Variants in COL5A3 observed in about 807,000 individuals in gnomAD.
COL5A3 encodes the protein collagen type V alpha 3 chain.
A neutral mutation model predicts 250.0 loss-of-function variants in COL5A3; 172 were observed. That is an observed-to-expected ratio of 0.69 (90% CI 0.61 to 0.78). The LOEUF is 0.78. Among genes scored for constraint, COL5A3 ranks in the 30% least tolerant of loss-of-function variants. The pLI is 0.00. For synonymous variants in COL5A3, 937 were observed against 900.4 expected, an observed-to-expected ratio of 1.04 and a Z score of -0.73; for missense variants, 2,340 against 2,334.4, an observed-to-expected ratio of 1.00 and a Z score of -0.05.
chr19:10,001,736 T>C, intron 7 of COL5A3, 32 bp downstream of exon 7: 1 of 1,611,982 alleles, frequency 6.2e-7, no homozygotes, highest in Non-Finnish European at 8.5e-7. Context: ...CCCGTAACCC[T>C]TGGGGTCTCC....
chr19:9,985,907 T>C lies in COL5A3; in HGVS notation c.2353-12A>G. On this transcript the variant is annotated splice_polypyrimidine_tract_variant and intron_variant, in intron 30 of 66. Transcript: ENST00000264828. ...ACCCCAAGCTTGCCCTGCAGAAAGGTTATGGGACAAAGGTCAGAAATTGCA... is the reference window on the plus strand; with the variant it reads ...ACCCCAAGCTTGCCCTGCAGAAAGGCTATGGGACAAAGGTCAGAAATTGCA... The C allele has an allele frequency of 6.2e-7, 1 of 1,613,642 alleles. No homozygotes were observed. The highest frequency in any genetic ancestry group is 8.5e-7 in the Non-Finnish European group (1 of 1,179,788).
chr19:9,964,584 A>G (rs2086712514), intron 64 of COL5A3, among the ~76,000 whole-genome samples: 1 of 152,174 alleles, frequency 6.6e-6, no homozygotes, highest in Non-Finnish European at 1.5e-5. Context: ...AGCCTGGGTG[A>G]CAGAGTGAGA....
intron 24 of COL5A3, among the ~76,000 whole-genome samples, chr19:9,989,768 T>C (rs1287554622): frequency 6.6e-6 from 1 of 152,136 alleles, no homozygotes; most frequent in South Asian, 2.1e-4. Flanking sequence ...CAGTACAAGA[T>C]TGATAGCACA....
intron 1 of COL5A3, among the ~76,000 whole-genome samples, chr19:10,008,010 C>A (rs1396867574): frequency 6.6e-6 from 1 of 152,068 alleles, no homozygotes; most frequent in Non-Finnish European, 1.5e-5. Flanking sequence ...CACCCCAGCC[C>A]CCATCTCTAA....
rs763271328 is a variant in COL5A3 at position 9,989,480 on chromosome 19, C to G, written c.2035G>C (p.Asp679His). ...NPGIPGLPGS[D>H]GPLGHPGHEG... ...CTCATGGTTCTCACCAGAGGGCCAT[C>G]GGATCCTGGGAGGCCTGGAATTCCT... The change falls in exon 25 of 67, where the codon GAT becomes CAT. Residue 679 changes from aspartate (D) to histidine (H), a missense_variant. Asp to His is a moderately conservative substitution (Grantham distance 81). This residue lies in a region of COL5A3 where 1,152 missense variants were observed against 1,146.3 expected (regional missense o/e 1.00). Transcript: ENST00000264828. 6 of 1,613,280 alleles carry G rather than the reference C, an allele frequency of 3.7e-6. No homozygotes were observed. The highest frequency in any genetic ancestry group is 1.7e-5 in the Admixed American group (1 of 59,930).
Position 9,992,994 on chromosome 19 carries a change from C to A in COL5A3, c.1794+29G>T, listed in dbSNP as rs777697413. On this transcript the variant is annotated intron_variant, in intron 20 of 66. Transcript: ENST00000264828. ...TCCTGACTCCCTCCCCTGCACCAAGCAAGGGGCCCAGGGATCCCTGATACT... is the reference window on the plus strand; with the variant it reads ...TCCTGACTCCCTCCCCTGCACCAAGAAAGGGGCCCAGGGATCCCTGATACT... The A allele has an allele frequency of 3.1e-6, 5 of 1,612,364 alleles. No homozygotes were observed. The African/African-American group carries it at 6.7e-5, about 22-fold the overall frequency.
intron 21 of COL5A3, among the ~76,000 whole-genome samples, chr19:9,992,562 A>G (rs2087209768): frequency 6.6e-6 from 1 of 152,082 alleles, no homozygotes; most frequent in African/African-American, 2.4e-5. Flanking sequence ...GGACCACTTG[A>G]GGCCAGGAGT....
intron 6 of COL5A3, among the ~76,000 whole-genome samples, chr19:10,002,932 C>T (rs1160950388): frequency 2.0e-5 from 3 of 152,098 alleles, no homozygotes; most frequent in African/African-American, 7.2e-5. Context: ...CCACCAACAA[C>T]CCCCCAGTCA....
intron 27 of COL5A3, among the ~76,000 whole-genome samples, chr19:9,987,215 A>C (rs2087113204): frequency 6.6e-6 from 1 of 152,194 alleles, no homozygotes; most frequent in Admixed American, 6.5e-5. Flanking sequence ...TGAAAACTGC[A>C]CTTGGCTACA....
intron 1 of COL5A3, among the ~76,000 whole-genome samples, chr19:10,007,039 A>C: frequency 1.4e-5 from 2 of 138,530 alleles, no homozygotes. Context: ...TTCCCCTCTG[A>C]CCTCCTCCCT....
Position 9,967,508 on chromosome 19 carries a change from G to A in COL5A3, c.4405-108C>T, listed in dbSNP as rs1478244315. ...TCACACACACACTCACACACACACA[G>A]TCTCACACACTCACATACACACTCA... On this transcript the variant is annotated intron_variant, in intron 61 of 66. Transcript: ENST00000264828. 13 of 757,550 alleles carry A rather than the reference G, an allele frequency of 1.7e-5. No homozygotes were observed. The South Asian group carries it at 2.1e-4, about 12-fold the overall frequency. The allele number at this position is 757,550 out of a possible 1,614,324, so 46.9% of individuals were successfully genotyped here.
intron 53 of COL5A3, 85 bp downstream of exon 53, chr19:9,970,890 G>T: frequency 7.8e-7 from 1 of 1,274,172 alleles, no homozygotes; most frequent in Non-Finnish European, 1.1e-6. Context: ...TACCCCACTA[G>T]CCCACTCCCC....
intron 27 of COL5A3, 60 bp downstream of exon 27, chr19:9,989,064 G>C: frequency 6.5e-7 from 1 of 1,538,362 alleles, no homozygotes; most frequent in Non-Finnish European, 9.0e-7. Flanking sequence ...TGATGGAGCT[G>C]CATCGCATGC....
At position 9,978,601 on chromosome 19, in the gene COL5A3, C is replaced by A; in HGVS notation, c.2991G>T (p.Lys997Asn). ...DPGPTGLKGD[K>N]GPPGPVGANG... ...TGGCCCCCACGGGCCCTGGGGGGCC[C>A]TTATCACCCTTTAAGCCAGTAGGTC... Residue 997 changes from lysine (K) to asparagine (N), a missense_variant, in exon 41 of 67, where the codon AAG (lysine) becomes AAT (asparagine). By Grantham distance (94) the Lys-to-Asn change is moderately conservative. Coordinates refer to ENST00000264828, the MANE Select transcript of COL5A3 (RefSeq NM_015719.4). 6.3e-7 allele frequency: 1 copy of A among 1,579,614 alleles called. No homozygotes were observed. The highest frequency in any genetic ancestry group is 1.1e-5 in the South Asian group (1 of 87,046).
chr19:9,999,469 C>CTTTTTTTTTTTTTTTTTTTTTTT (rs530527039), intron 8 of COL5A3, among the ~76,000 whole-genome samples: 2 of 120,398 alleles, frequency 1.7e-5, no homozygotes, highest in Admixed American at 9.1e-5. Context: ...TTTCTTTTTT[C>CTTTTTTTTTTTTTTTTTTTTTTT]TTTTTTTTTT....
rs1350919550 is a variant in COL5A3 at position 9,996,412 on chromosome 19, A to G, written c.1422+21T>C. 5.0e-6 allele frequency: 8 copies of G among 1,612,174 alleles called. No homozygotes were observed. The African/African-American group carries it at 9.4e-5, about 19-fold the overall frequency. Reference sequence around the variant, plus strand: ...ATCACTCTCTGGGGTTCCTCCCACTATGTCCACACCTCCCACTCACCTGAG... The same window carrying G: ...ATCACTCTCTGGGGTTCCTCCCACTGTGTCCACACCTCCCACTCACCTGAG... On this transcript the variant is annotated intron_variant, in intron 13 of 66. Transcript: ENST00000264828.
chr19:9,969,361 A>G lies in COL5A3; in HGVS notation c.4140T>C (p.Pro1380=), dbSNP rs1298450243. The G allele has an allele frequency of 6.2e-7, 1 of 1,601,342 alleles. No individual in the cohort carries two copies. Among genetic ancestry groups the G allele is most frequent in the Admixed American group, 1.8e-5 (1 of 56,670 alleles). Residue 1380 remains proline, a synonymous_variant, in exon 57 of 67, where the codon CCT becomes CCC. Coordinates refer to ENST00000264828, the MANE Select transcript of COL5A3 (RefSeq NM_015719.4). ...ACAAGTCTCTTACCAGGGGGCCAGG[A>G]GGGCCCATCTGTCCAGGGGCTCCCA... ...GLLGAPGQMG[P]PGPLGPSGLP...
intron 27 of COL5A3, among the ~76,000 whole-genome samples, chr19:9,988,855 A>AAAGAGAGAGCAAG (rs1555738987): frequency 9.5e-6 from 1 of 104,766 alleles, no homozygotes; most frequent in Non-Finnish European, 1.8e-5. Context: ...AAAAAAAAAA[A>AAAGAGAGAGCAAG]AAAGAAAGTA....
chr19:9,978,767 C>T, intron 40 of COL5A3, 124 bp downstream of exon 40: 2 of 922,186 alleles, frequency 2.2e-6, no homozygotes, highest in Non-Finnish European at 1.6e-6. Context: ...TCCCCAGTTC[C>T]CTCCACCATT....
Sources: allele counts gnomAD v4.1 joint callset (sites outside exome capture counted in the v4.1 genomes callset), GRCh38; gene constraint gnomAD v4.1.1; regional missense constraint gnomAD v4.1.1; transcripts MANE v1.5; gene names NCBI Gene and HGNC (gene_info 2026-07-23, HGNC 2026-07-21).